The following KPNA3 variants were observed in gnomAD, a reference collection of about 807,000 sequenced individuals.
KPNA3 encodes importin subunit alpha-4.
Under a neutral mutation model 73.8 loss-of-function variants are expected in KPNA3, and 13 were observed. The ratio of observed to expected loss-of-function variants is 0.18; its 90% CI spans 0.11 to 0.28. The LOEUF (loss-of-function observed/expected upper bound fraction) is 0.28. KPNA3 is among the 10% of genes least tolerant of loss of function. The probability of loss-of-function intolerance (pLI) is 1.00; values close to 1 mark genes in which losing one functional copy is unlikely to be tolerated. For synonymous variants in KPNA3, 186 were observed against 206.9 expected, an observed-to-expected ratio of 0.90 and a Z score of 0.87; for missense variants, 360 against 618.1, an observed-to-expected ratio of 0.58 and a Z score of 4.43.
intron 1 of KPNA3, among the ~76,000 whole-genome samples, chr13:49,762,732 G>A (rs1954777952): frequency 6.6e-6 from 1 of 151,798 alleles, no homozygotes; most frequent in Non-Finnish European, 1.5e-5. Flanking sequence ...CACTGCGGTA[G>A]GCCGCAGGGT....
At chr13:49,771,828 A>T (rs1223046457) in intron 1 of KPNA3, among the ~76,000 whole-genome samples, 1 of 151,688 alleles carries the variant, frequency 6.6e-6, no homozygotes, top group African/African-American at 2.4e-5. Context: ...TAATTTTGGT[A>T]TTTTTTTTGT....
At chr13:49,704,892 A>G (rs1306206604) in intron 15 of KPNA3, among the ~76,000 whole-genome samples, 6 of 152,242 alleles carry the variant, frequency 3.9e-5, no homozygotes, top group Admixed American at 3.9e-4. Flanking sequence ...AATATTTCCT[A>G]AAGTGGGGTC....
chr13:49,792,510 T>G lies in KPNA3; in HGVS notation c.-4A>C, dbSNP rs1955043592. Reference sequence around the variant, plus strand: ...CCAAGCTGGGGTTCTCGGCCATGGCTGCGCGCGGCTCCGGCGGCGGCTACT... The same window carrying G: ...CCAAGCTGGGGTTCTCGGCCATGGCGGCGCGCGGCTCCGGCGGCGGCTACT... On this transcript the variant is annotated 5_prime_UTR_variant, in exon 1 of 17. Coordinates refer to ENST00000261667, the MANE Select transcript of KPNA3 (RefSeq NM_002267.4). 5 of 1,529,190 alleles carry G rather than the reference T, an allele frequency of 3.3e-6. No homozygotes were observed. In the East Asian group the frequency reaches 1.3e-4, roughly 41 times the overall value. The allele number at this position is 1,529,190 out of a possible 1,614,324, so 94.7% of individuals were successfully genotyped here. A position where few individuals can be genotyped will look rare whatever the true frequency, so the allele number is the denominator to read the frequency against.
intron 1 of KPNA3, among the ~76,000 whole-genome samples, chr13:49,747,407 T>C (rs1954626385): frequency 6.6e-6 from 1 of 151,852 alleles, no homozygotes. Context: ...TCATTTAATA[T>C]TGGCTGGGTG....
chr13:49,759,778 C>A (rs1474870582), intron 1 of KPNA3, among the ~76,000 whole-genome samples: 2 of 152,190 alleles, frequency 1.3e-5, no homozygotes, highest in Non-Finnish European at 2.9e-5. Context: ...CACTTGCTTG[C>A]CTGCTGCCTA....
chr13:49,708,087 C>T (rs1400630349), intron 12 of KPNA3, among the ~76,000 whole-genome samples: 1 of 151,352 alleles, frequency 6.6e-6, no homozygotes, highest in East Asian at 1.9e-4. Context: ...ACTCCACCTC[C>T]TGGGTTCATG....
chr13:49,764,077 A>AG (rs1234395306), intron 1 of KPNA3, among the ~76,000 whole-genome samples: 7 of 151,750 alleles, frequency 4.6e-5, no homozygotes, highest in African/African-American at 1.4e-4. Context: ...AAAAAAAAAA[A>AG]AAAAAAAAAA....
At chr13:49,764,775 T>C (rs1023524536) in intron 1 of KPNA3, among the ~76,000 whole-genome samples, 1 of 152,148 alleles carries the variant, frequency 6.6e-6, no homozygotes, top group African/African-American at 2.4e-5. Context: ...AAAGAACCTT[T>C]CTCAATCTAC....
chr13:49,708,286 TGC>T (rs1230143025), intron 12 of KPNA3, among the ~76,000 whole-genome samples: 1 of 152,182 alleles, frequency 6.6e-6, no homozygotes, highest in African/African-American at 2.4e-5. Flanking sequence ...TGAGCCACCA[TGC>T]CTGGCCAACT....
At chr13:49,792,334 C>T in intron 1 of KPNA3, 104 bp downstream of exon 1, 2 of 659,744 alleles carry the variant, frequency 3.0e-6, no homozygotes, top group Non-Finnish European at 4.2e-6. Context: ...CAACTCCGGC[C>T]GACCACAAGC....
At chr13:49,787,095 T>A (rs976215216) in intron 1 of KPNA3, among the ~76,000 whole-genome samples, 1 of 152,202 alleles carries the variant, frequency 6.6e-6, no homozygotes. Flanking sequence ...TAGTGCCACT[T>A]AGCACTGGAG....
At chr13:49,745,164 A>G (rs1359033724) in intron 2 of KPNA3, among the ~76,000 whole-genome samples, 1 of 152,212 alleles carries the variant, frequency 6.6e-6, no homozygotes, top group Non-Finnish European at 1.5e-5. Context: ...ATGTAGTTAA[A>G]ATGAGCTTCT....
chr13:49,759,977 C>T (rs1031531870), intron 1 of KPNA3, among the ~76,000 whole-genome samples: 3 of 152,148 alleles, frequency 2.0e-5, no homozygotes, highest in East Asian at 1.9e-4. Context: ...CCAGACACTA[C>T]GTGCCTTTCT....
At chr13:49,792,321 G>T (rs1199070119) in intron 1 of KPNA3, 117 bp downstream of exon 1, 3 of 488,722 alleles carry the variant, frequency 6.1e-6, no homozygotes, top group East Asian at 5.6e-5. Context: ...GGGAGGCGGC[G>T]GCCAACTCCG....
chr13:49,745,654 G>A (rs1954610474), intron 2 of KPNA3, among the ~76,000 whole-genome samples: 1 of 151,754 alleles, frequency 6.6e-6, no homozygotes, highest in Non-Finnish European at 1.5e-5. Flanking sequence ...ACCGCACCCA[G>A]CCCAAGATGG....
chr13:49,732,378 C>T lies in KPNA3; in HGVS notation c.376G>A (p.Asp126Asn). ...LPILVKCLER[D>N]DNPSLQFEAA... is the part of the protein sequence containing the mutation. Reference sequence around the variant, plus strand: ...AGTAAAATCCATACTTACTTATCATCCCTTTCTAGACATTTGACTAGAATT... The same window carrying T: ...AGTAAAATCCATACTTACTTATCATTCCTTTCTAGACATTTGACTAGAATT... Residue 126 changes from aspartate (D) to asparagine (N), a missense_variant, in exon 6 of 17, where the codon GAT (aspartate) becomes AAT (asparagine). Asp to Asn is a conservative substitution (Grantham distance 23, BLOSUM62 1). Coordinates refer to ENST00000261667, the MANE Select transcript of KPNA3 (RefSeq NM_002267.4). 2 of 1,534,040 alleles carry T rather than the reference C, an allele frequency of 1.3e-6. No individual in the cohort carries two copies. Among genetic ancestry groups the T allele is most frequent in the South Asian group, 1.2e-5 (1 of 84,236 alleles).
intron 1 of KPNA3, among the ~76,000 whole-genome samples, chr13:49,781,713 T>A (rs1458526213): frequency 6.6e-6 from 1 of 152,186 alleles, no homozygotes; most frequent in African/African-American, 2.4e-5. Flanking sequence ...ATTAGAGCAA[T>A]CAACTTGTTA....
At chr13:49,763,331 T>A (rs964702106) in intron 1 of KPNA3, among the ~76,000 whole-genome samples, 1 of 152,082 alleles carries the variant, frequency 6.6e-6, no homozygotes, top group African/African-American at 2.4e-5. Context: ...TCTGTGAACT[T>A]TAAGACAGGT....
At position 49,732,787 on chromosome 13, in the gene KPNA3, A is replaced by G. The variant is rs750413298; in HGVS notation, c.205-11T>C. 3.2e-6 allele frequency: 5 copies of G among 1,545,962 alleles called. No individual in the cohort carries two copies. In the South Asian group the frequency reaches 4.7e-5, roughly 14 times the overall value. ...TAGGGTTACATTTTGCTTAAAAAGA[A>G]AAAAAAAATAGTTCAGCAGAGTTTA... is the stretch of plus-strand genomic sequence containing the variant. On this transcript the variant is annotated splice_polypyrimidine_tract_variant and intron_variant, in intron 3 of 16. Coordinates refer to ENST00000261667, the MANE Select transcript of KPNA3 (RefSeq NM_002267.4).
Sources: gnomAD v4.1 joint callset for allele counts (sites outside exome capture counted in the v4.1 genomes callset) on GRCh38, gnomAD v4.1.1 for gene constraint, MANE v1.5 for transcripts, NCBI Gene and HGNC (gene_info 2026-07-23, HGNC 2026-07-21) for gene names.